The following SBNO2 variants were observed in gnomAD, a reference collection of about 807,000 sequenced individuals.
SBNO2 encodes strawberry notch homolog 2, also known as protein strawberry notch homolog 2.
SBNO2 carries 89 observed loss-of-function variants against 146.3 expected under a neutral mutation model. The ratio of observed to expected loss-of-function variants is 0.61; its 90% CI spans 0.51 to 0.73. SBNO2 has a LOEUF of 0.73. SBNO2 is among the 30% of genes least tolerant of loss of function. SBNO2 has a pLI of 0.00. For synonymous variants in SBNO2, 1,147 were observed against 892.6 expected, an observed-to-expected ratio of 1.29 and a Z score of -5.08; for missense variants, 2,092 against 2,003.7, an observed-to-expected ratio of 1.04 and a Z score of -0.84.
chr19:1,165,210 G>A (rs2080401173), intron 1 of SBNO2, among the ~76,000 whole-genome samples: 1 of 152,158 alleles, frequency 6.6e-6, no homozygotes, highest in Admixed American at 6.5e-5. Context: ...AGCTCCACCA[G>A]GTCAGGGCTG....
intron 11 of SBNO2, 76 bp downstream of exon 11, chr19:1,122,057 CTCCTCT>C: frequency 1.9e-6 from 2 of 1,041,092 alleles, no homozygotes; most frequent in Non-Finnish European, 2.5e-6. Flanking sequence ...ACTCCCACCC[CTCCTCT>C]CCCACTCCTC....
At position 1,165,574 on chromosome 19, in the gene SBNO2, C is replaced by G. The variant is rs774216354; in HGVS notation, c.-127+8598G>C. On this transcript the variant is annotated intron_variant, in intron 1 of 31. Transcript: ENST00000361757. ...TTAGGAAGAAACCACATCTGGGGAA[C>G]CAGACCCCAGATCCCAGAACCCAGA... 1.8e-4 allele frequency among the ~76,000 whole-genome samples: 28 copies of G among 152,086 alleles called. No homozygotes were observed. In the South Asian group the frequency reaches 3.5e-3, roughly 19 times the overall value.
At position 1,112,300 on chromosome 19, in the gene SBNO2, G is replaced by C. The variant is rs2079772831; in HGVS notation, c.2517C>G (p.Gly839=). The change falls in exon 22 of 32, where the codon GGC becomes GGG. Residue 839 remains glycine, a splice_region_variant and synonymous_variant. Coordinates refer to ENST00000361757, the MANE Select transcript of SBNO2 (RefSeq NM_014963.3). This position sits in a 1 kb window ranked among gnomAD's most constrained non-coding sequence, Gnocchi z 5.9. ...WSADRAIQQF[G]RTHRSNQVSA... ...AGACCTGGTTGGACCGGTGGGTGCG[G>C]CCTGGGGGCAGAGCTGCTCTCAGGG... 2 of 1,581,950 alleles carry C rather than the reference G, an allele frequency of 1.3e-6. No individual in the cohort carries two copies.
chr19:1,109,444 G>GCCGCGCCCCGGT lies in SBNO2; in HGVS notation c.3217-33_3217-22dup. The GCCGCGCCCCGGT allele has an allele frequency of 6.4e-7, 1 of 1,562,598 alleles. No individual in the cohort carries two copies. The highest frequency in any genetic ancestry group is 8.7e-7 in the Non-Finnish European group (1 of 1,154,774). On this transcript the variant is annotated intron_variant, in intron 28 of 31. Coordinates refer to ENST00000361757, the MANE Select transcript of SBNO2 (RefSeq NM_014963.3). The surrounding 1 kb of genome is among the most constrained non-coding windows in gnomAD (Gnocchi z 4.2). ...CGGACCTGCGGAGGGGGGCGTTGAG[G>GCCGCGCCCCGGT]CCGCGCCCCGGTCCGCCCCCCGCGG...
At chr19:1,120,282 G>C (rs753787579) in intron 11 of SBNO2, among the ~76,000 whole-genome samples, 11 of 152,218 alleles carry the variant, frequency 7.2e-5, no homozygotes, top group Non-Finnish European at 1.0e-4. Flanking sequence ...CCGAGGATGG[G>C]GCCTCCGGCG....
At chr19:1,162,167 T>C (rs1053488135) in intron 1 of SBNO2, among the ~76,000 whole-genome samples, 2 of 46,678 alleles carry the variant, frequency 4.3e-5, no homozygotes, top group Non-Finnish European at 9.4e-5. Flanking sequence ...TATTCTTTTT[T>C]AAAATAATAC....
chr19:1,110,803 G>C lies in SBNO2; in HGVS notation c.2970C>G (p.Thr990=). The change falls in exon 26 of 32, where the codon ACC becomes ACG. Residue 990 remains threonine, a synonymous_variant. Coordinates refer to ENST00000361757, the MANE Select transcript of SBNO2 (RefSeq NM_014963.3). The surrounding 1 kb of genome is among the most constrained non-coding windows in gnomAD (Gnocchi z 4.9). ...QNALFQYFSD[T]FDHLIEMDKR... is the part of the protein sequence containing the mutation. The stretch of plus-strand genomic sequence containing the variant: ...TGTCCATCTCGATGAGGTGGTCGAA[G>C]GTGTCTGAGAAGTACTGGAACAGGG... 6.2e-7 allele frequency: 1 copy of C among 1,613,686 alleles called. No homozygotes were observed. The highest frequency in any genetic ancestry group is 8.5e-7 in the Non-Finnish European group (1 of 1,179,740).
At chr19:1,118,969 G>T in intron 14 of SBNO2, 42 bp downstream of exon 14, 1 of 1,544,610 alleles carries the variant, frequency 6.5e-7, no homozygotes, top group Non-Finnish European at 8.7e-7. Context: ...AATTTCACCC[G>T]GGAAACGCAC....
Position 1,165,300 on chromosome 19 carries a change from T to TG in SBNO2, c.-127+8871dup, listed in dbSNP as rs531302852. Reference sequence around the variant, plus strand: ...CCTGGAAAGGGAATAAAGGAGGCCCTGGGGAGGGGCCTTGGTGCTTCATCC... The same window carrying TG: ...CCTGGAAAGGGAATAAAGGAGGCCCTGGGGGAGGGGCCTTGGTGCTTCATCC... On this transcript the variant is annotated intron_variant, in intron 1 of 31. Coordinates refer to ENST00000361757, the MANE Select transcript of SBNO2 (RefSeq NM_014963.3). Among the ~76,000 whole-genome samples the TG allele has an allele frequency of 2.2e-4, 33 of 152,260 alleles. 1 individual carries two copies. In the South Asian group the frequency reaches 6.2e-3, roughly 29 times the overall value.
At chr19:1,165,170 C>T (rs2080400604) in intron 1 of SBNO2, among the ~76,000 whole-genome samples, 1 of 152,134 alleles carries the variant, frequency 6.6e-6, no homozygotes, top group South Asian at 2.1e-4. Flanking sequence ...TTGAGCGTGG[C>T]CCTGCCTGAC....
chr19:1,151,227 C>T (rs561359677), intron 2 of SBNO2, among the ~76,000 whole-genome samples: 6 of 152,338 alleles, frequency 3.9e-5, no homozygotes, highest in African/African-American at 9.6e-5. Flanking sequence ...AGCTGGAGTC[C>T]GTCTCAGGCA....
chr19:1,108,370 C>T lies in SBNO2; in HGVS notation c.3951G>A (p.Glu1317=), dbSNP rs1216924670. Residue 1317 remains glutamate (E), a synonymous_variant, in exon 32 of 32, where the codon GAG becomes GAA. Coordinates refer to ENST00000361757, the MANE Select transcript of SBNO2 (RefSeq NM_014963.3). The stretch of plus-strand genomic sequence containing the variant: ...CCGCGTGCAGCGAGCGCAGCATGTC[C>T]TCCAGCACCTCCTTGAAGTTGATGT... The part of the protein sequence containing the change: ...GCDINFKEVL[E]DMLRSLHAGP... 1.2e-5 allele frequency: 15 copies of T among 1,291,320 alleles called. No homozygotes were observed. The highest frequency in any genetic ancestry group is 1.6e-5 in the African/African-American group (1 of 62,042). The allele number at this position is 1,291,320 out of a possible 1,614,324, so 80.0% of individuals were successfully genotyped here. A position where few individuals can be genotyped will look rare whatever the true frequency, so the allele number is the denominator to read the frequency against.
In SBNO2 at chr19:1,122,228, C is replaced by A; in HGVS notation, c.1060G>T (p.Ala354Ser). ...SEGVLFATYS[A>S]LIGESQAGGQ... ...CCGGCCTGGCTCTCCCCAATCAGGGCGGAGTAGGTGGCGAAGAGGACGCCC... is the reference window on the plus strand; with the variant it reads ...CCGGCCTGGCTCTCCCCAATCAGGGAGGAGTAGGTGGCGAAGAGGACGCCC... Residue 354 changes from alanine to serine, a missense_variant, in exon 11 of 32, where the codon GCC becomes TCC. Coordinates refer to ENST00000361757, the MANE Select transcript of SBNO2 (RefSeq NM_014963.3). The A allele has an allele frequency of 1.3e-6, 2 of 1,575,926 alleles. No homozygotes were observed. Among genetic ancestry groups the A allele is most frequent in the Non-Finnish European group, 1.7e-6 (2 of 1,161,676 alleles).
At chr19:1,171,367 CAT>C (rs200152913) in intron 1 of SBNO2, among the ~76,000 whole-genome samples, 5,848 of 152,288 alleles carry the variant, frequency 0.038, 381 homozygotes, top group African/African-American at 0.13. Flanking sequence ...ACACAACACA[CAT>C]GTGCATGCAC....
Position 1,122,250 on chromosome 19 carries a change from G to A in SBNO2, c.1038C>T (p.Gly346=), listed in dbSNP as rs1455241939. Residue 346 remains glycine (G), a synonymous_variant, in exon 11 of 32, where the codon GGC becomes GGT. Transcript: ENST00000361757. ...IKYGDTTTSE[G]VLFATYSALI... is the part of the protein sequence containing the mutation. ...GGGCGGAGTAGGTGGCGAAGAGGACGCCCTCTGAGGTAGTGGTGTCACCGT... is the reference window on the plus strand; with the variant it reads ...GGGCGGAGTAGGTGGCGAAGAGGACACCCTCTGAGGTAGTGGTGTCACCGT... The A allele has an allele frequency of 5.7e-6, 9 of 1,580,348 alleles. No individual in the cohort carries two copies. Among genetic ancestry groups the A allele is most frequent in the Admixed American group, 1.8e-5 (1 of 55,454 alleles).
Position 1,173,526 on chromosome 19 carries a change from G to A in SBNO2, c.-127+646C>T, listed in dbSNP as rs908070041. Among the ~76,000 whole-genome samples the A allele has an allele frequency of 6.6e-6, 1 of 152,062 alleles. No homozygotes were observed. Among genetic ancestry groups the A allele is most frequent in the Admixed American group, 6.5e-5 (1 of 15,270 alleles). The stretch of plus-strand genomic sequence containing the variant: ...AGGGGCGGGGAGCAAGGGGAGGGAG[G>A]GAGACAGGGCTGCGCTGCGGGGCCG... On this transcript the variant is annotated intron_variant, in intron 1 of 31. Transcript: ENST00000361757. This position sits in a 1 kb window ranked among gnomAD's most constrained non-coding sequence, Gnocchi z 4.7.
At position 1,136,535 on chromosome 19, in the gene SBNO2, G is replaced by A. The variant is rs929469391; in HGVS notation, c.280-8770C>T. Among the ~76,000 whole-genome samples the A allele has an allele frequency of 6.6e-6, 1 of 152,244 alleles. No homozygotes were observed. The highest frequency in any genetic ancestry group is 1.5e-5 in the Non-Finnish European group (1 of 68,040). On this transcript the variant is annotated intron_variant, in intron 4 of 31. Coordinates refer to ENST00000361757, the MANE Select transcript of SBNO2 (RefSeq NM_014963.3). This position sits in a 1 kb window ranked among gnomAD's most constrained non-coding sequence, Gnocchi z 4.2. Reference sequence around the variant, plus strand: ...GGCGGAGGCTCCTCCTCCCGGGGGGGCTGTGGCCTCAGCACAGACCAGGGG... The same window carrying A: ...GGCGGAGGCTCCTCCTCCCGGGGGGACTGTGGCCTCAGCACAGACCAGGGG...
rs1177706849 is a variant in SBNO2 at position 1,157,549 on chromosome 19, G to A, written c.-126-3147C>T. ...TTTTTGGGCGCGAGTCCCATGACTGGAGGGATGCGTGGTGTGGGGGTTGGG... is the reference window on the plus strand; with the variant it reads ...TTTTTGGGCGCGAGTCCCATGACTGAAGGGATGCGTGGTGTGGGGGTTGGG... On this transcript the variant is annotated intron_variant, in intron 1 of 31. Coordinates refer to ENST00000361757, the MANE Select transcript of SBNO2 (RefSeq NM_014963.3). The surrounding 1 kb of genome is among the most constrained non-coding windows in gnomAD (Gnocchi z 6.8). Among the ~76,000 whole-genome samples the A allele has an allele frequency of 6.6e-6, 1 of 151,890 alleles. No individual in the cohort carries two copies. The highest frequency in any genetic ancestry group is 1.5e-5 in the Non-Finnish European group (1 of 67,922).
At position 1,144,027 on chromosome 19, in the gene SBNO2, C is replaced by T. The variant is rs1423236183; in HGVS notation, c.279+3282G>A. On this transcript the variant is annotated intron_variant, in intron 4 of 31. Coordinates refer to ENST00000361757, the MANE Select transcript of SBNO2 (RefSeq NM_014963.3). The surrounding 1 kb of genome is among the most constrained non-coding windows in gnomAD (Gnocchi z 4.1). ...GAGGCTTCCGTGGCTGGCTGGGCTG[C>T]GCTGGGGGGCACGGCGCAAAGGGCC... is the stretch of plus-strand genomic sequence containing the variant. 2.0e-5 allele frequency among the ~76,000 whole-genome samples: 3 copies of T among 152,322 alleles called. No homozygotes were observed. The highest frequency in any genetic ancestry group is 2.9e-5 in the Non-Finnish European group (2 of 68,022).
Sources: gnomAD v4.1 joint callset for allele counts (sites outside exome capture counted in the v4.1 genomes callset) on GRCh38, gnomAD v4.1.1 for gene constraint, Gnocchi (gnomAD v3.1) non-coding constraint, MANE v1.5 for transcripts, NCBI Gene and HGNC (gene_info 2026-07-23, HGNC 2026-07-21) for gene names.